AGAP1: variants seen among roughly 807,000 people sequenced by gnomAD.
AGAP1 encodes arf-GAP with GTPase, ANK repeat and PH domain-containing protein 1.
A neutral mutation model predicts 105.3 loss-of-function variants in AGAP1; 29 were observed. The observed-to-expected ratio is 0.28, with a 90% CI of 0.21 to 0.38. The LOEUF (loss-of-function observed/expected upper bound fraction) is 0.38, where lower values mean the gene tolerates loss of function less well. Among genes scored for constraint, AGAP1 ranks in the 10% least tolerant of loss-of-function variants. AGAP1 has a pLI of 1.00. For synonymous variants in AGAP1, 509 were observed against 485.9 expected, an observed-to-expected ratio of 1.05 and a Z score of -0.63; for missense variants, 998 against 1,165.1, an observed-to-expected ratio of 0.86 and a Z score of 2.09.
Position 235,586,726 on chromosome 2 carries a change from C to A in AGAP1, c.163+91877C>A, listed in dbSNP as rs559610472. Among the ~76,000 whole-genome samples, 1 of 152,298 alleles carries A rather than the reference C, an allele frequency of 6.6e-6. No homozygotes were observed. Among genetic ancestry groups the A allele is most frequent in the Admixed American group, 6.5e-5 (1 of 15,296 alleles). On this transcript the variant is annotated intron_variant, in intron 1 of 17. Coordinates refer to ENST00000304032, the MANE Select transcript of AGAP1 (RefSeq NM_001037131.3). This position sits in a 1 kb window ranked among gnomAD's most constrained non-coding sequence, Gnocchi z 4.2. ...GCTTCTATGTGTGAACAACACAGAC[C>A]ACTAAGAGATGTGACAAAGCTGTTC...
In AGAP1 at chr2:235,936,709, C is replaced by T. The variant is rs1331138125; in HGVS notation, c.1483+5786C>T. On this transcript the variant is annotated intron_variant, in intron 12 of 17. Coordinates refer to ENST00000304032, the MANE Select transcript of AGAP1 (RefSeq NM_001037131.3). The surrounding 1 kb of genome is among the most constrained non-coding windows in gnomAD (Gnocchi z 4.7). ...ATACTGCCGGTCTCTGACCTGGAAG[C>T]TTCTTTGATGGGAGGGTATCAGTGA... Among the ~76,000 whole-genome samples the T allele has an allele frequency of 1.3e-5, 2 of 152,140 alleles. No homozygotes were observed. The highest frequency in any genetic ancestry group is 2.9e-5 in the Non-Finnish European group (2 of 68,032).
intron 1 of AGAP1, among the ~76,000 whole-genome samples, chr2:235,645,679 C>G (rs1406507295): frequency 6.6e-6 from 1 of 152,146 alleles, no homozygotes; most frequent in Non-Finnish European, 1.5e-5. Flanking sequence ...CAGATGACCA[C>G]CCCTTCCTGC....
Position 235,964,122 on chromosome 2 carries a change from G to C in AGAP1, c.1484-4340G>C, listed in dbSNP as rs1000144415. Among the ~76,000 whole-genome samples, 8 of 152,276 alleles carry C rather than the reference G, an allele frequency of 5.3e-5. No homozygotes were observed. The East Asian group carries it at 1.4e-3, about 26-fold the overall frequency. On this transcript the variant is annotated intron_variant, in intron 12 of 17. Coordinates refer to ENST00000304032, the MANE Select transcript of AGAP1 (RefSeq NM_001037131.3). This position sits in a 1 kb window ranked among gnomAD's most constrained non-coding sequence, Gnocchi z 4.6. ...CAGCCTCGTGCAGAAGGTCCTAACT[G>C]TGGGCTCCGTGGGAGTGTAGAGATG... is the stretch of plus-strand genomic sequence containing the variant.
Position 235,690,344 on chromosome 2 carries a change from G to A in AGAP1, c.164-18835G>A, listed in dbSNP as rs368594114. Among the ~76,000 whole-genome samples the A allele has an allele frequency of 0.082, 9 of 110 alleles. No individual in the cohort carries two copies. The highest frequency in any genetic ancestry group is 0.18 in the African/African-American group (5 of 28). 0.1% of individuals were successfully genotyped at this position (110 alleles called of 152,430 possible). On this transcript the variant is annotated intron_variant, in intron 1 of 17. Coordinates refer to ENST00000304032, the MANE Select transcript of AGAP1 (RefSeq NM_001037131.3). This position sits in a 1 kb window ranked among gnomAD's most constrained non-coding sequence, Gnocchi z 4.1. ...GTGGACTCCTGGGGCTGGGGAGGCCGTGCCCTGGGGGCAGGTGCAGGAGGG... is the reference window on the plus strand; with the variant it reads ...GTGGACTCCTGGGGCTGGGGAGGCCATGCCCTGGGGGCAGGTGCAGGAGGG...
chr2:235,719,785 G>T lies in AGAP1; in HGVS notation c.310+2141G>T, dbSNP rs1951291379. On this transcript the variant is annotated intron_variant, in intron 3 of 17. Transcript: ENST00000304032. The surrounding 1 kb of genome is among the most constrained non-coding windows in gnomAD (Gnocchi z 4.9). ...GTGGCCTCTCACCTTTTGACTCGAG[G>T]TCCCAGGGATTGTTCTGTGGGAGTG... Among the ~76,000 whole-genome samples, 1 of 152,162 alleles carries T rather than the reference G, an allele frequency of 6.6e-6. No individual in the cohort carries two copies. The highest frequency in any genetic ancestry group is 2.4e-5 in the African/African-American group (1 of 41,444).
At chr2:236,017,518 G>T (rs1044102107) in intron 13 of AGAP1, among the ~76,000 whole-genome samples, 1 of 152,038 alleles carries the variant, frequency 6.6e-6, no homozygotes, top group South Asian at 2.1e-4. Context: ...TTTTAAAGTG[G>T]TCCACTTGAG....
At chr2:236,049,386 T>C in intron 16 of AGAP1, 105 bp downstream of exon 16, 1 of 1,056,770 alleles carries the variant, frequency 9.5e-7, no homozygotes, top group Non-Finnish European at 1.4e-6. Context: ...TGATAACCTG[T>C]AGGAATTCGG....
chr2:235,791,679 C>T (rs976263232), intron 6 of AGAP1, among the ~76,000 whole-genome samples: 16 of 152,096 alleles, frequency 1.1e-4, no homozygotes, highest in Admixed American at 1.3e-4. Flanking sequence ...TCCCAAGTAG[C>T]TGGGATTACA....
chr2:235,972,928 A>G (rs2054713361), intron 13 of AGAP1, among the ~76,000 whole-genome samples: 1 of 151,764 alleles, frequency 6.6e-6, no homozygotes, highest in Admixed American at 6.6e-5. Flanking sequence ...CGGCTTCCTG[A>G]ACAGACCTCA....
At chr2:235,515,177 G>A (rs931818867) in intron 1 of AGAP1, among the ~76,000 whole-genome samples, 1 of 152,184 alleles carries the variant, frequency 6.6e-6, no homozygotes, top group Non-Finnish European at 1.5e-5. Context: ...TTGGAAACAT[G>A]AGAATCCCAT....
chr2:235,774,229 C>A (rs1955683235), intron 6 of AGAP1: 1 of 406,776 alleles, frequency 2.5e-6, no homozygotes, highest in South Asian at 1.9e-5. Context: ...ACTAAAAATG[C>A]ACATCTGGAA....
At position 235,872,028 on chromosome 2, in the gene AGAP1, T is replaced by G. The variant is rs1045187260; in HGVS notation, c.1051-11317T>G. Among the ~76,000 whole-genome samples the G allele has an allele frequency of 3.9e-5, 6 of 152,182 alleles. No homozygotes were observed. Among genetic ancestry groups the G allele is most frequent in the African/African-American group, 1.2e-4 (5 of 41,442 alleles). ...AGTGTCCTTATCCATGAAATGAGAA[T>G]CGTCGTGGATATCAGTTGTGATTGC... is the stretch of plus-strand genomic sequence containing the variant. On this transcript the variant is annotated intron_variant, in intron 9 of 17. Transcript: ENST00000304032. The surrounding 1 kb of genome is among the most constrained non-coding windows in gnomAD (Gnocchi z 4.5).
At chr2:235,835,623 G>T (rs1272914401) in intron 9 of AGAP1, among the ~76,000 whole-genome samples, 2 of 152,224 alleles carry the variant, frequency 1.3e-5, no homozygotes, top group Non-Finnish European at 1.5e-5. Flanking sequence ...AGGACAAGGG[G>T]TTCATATCTG....
chr2:235,565,208 C>T (rs1944310492), intron 1 of AGAP1, among the ~76,000 whole-genome samples: 4 of 151,554 alleles, frequency 2.6e-5, no homozygotes. Context: ...CCTCCCAGGG[C>T]CAGGTGTGAG....
chr2:235,945,657 AC>A (rs2053461520), intron 12 of AGAP1, among the ~76,000 whole-genome samples: 1 of 152,166 alleles, frequency 6.6e-6, no homozygotes, highest in Non-Finnish European at 1.5e-5. Context: ...ACTCAGTCCT[AC>A]ACAAAGCTCT....
At chr2:236,074,393 T>C (rs1307786137) in intron 16 of AGAP1, among the ~76,000 whole-genome samples, 2 of 152,194 alleles carry the variant, frequency 1.3e-5, no homozygotes, top group African/African-American at 4.8e-5. Flanking sequence ...ATAAAGATAC[T>C]GGGTGTTCTG....
In AGAP1 at chr2:235,953,523, A is replaced by G. The variant is rs2053827322; in HGVS notation, c.1484-14939A>G. ...GCATTTTTTTCCCTCCAGCATTTCA[A>G]AGACATTACTCAAATTTTGTTTGTT... On this transcript the variant is annotated intron_variant, in intron 12 of 17. Transcript: ENST00000304032. The surrounding 1 kb of genome is among the most constrained non-coding windows in gnomAD (Gnocchi z 5.2). 6.6e-6 allele frequency among the ~76,000 whole-genome samples: 1 copy of G among 152,218 alleles called. No homozygotes were observed. The highest frequency in any genetic ancestry group is 2.4e-5 in the African/African-American group (1 of 41,456).
At chr2:235,505,222 T>C (rs1941744113) in intron 1 of AGAP1, among the ~76,000 whole-genome samples, 1 of 152,244 alleles carries the variant, frequency 6.6e-6, no homozygotes, top group Non-Finnish European at 1.5e-5. Flanking sequence ...GCAATTATGC[T>C]GAAGACACAA....
chr2:236,012,805 ATC>A lies in AGAP1; in HGVS notation c.1646-23751_1646-23750del, dbSNP rs1228587609. On this transcript the variant is annotated intron_variant, in intron 13 of 17. Coordinates refer to ENST00000304032, the MANE Select transcript of AGAP1 (RefSeq NM_001037131.3). The surrounding 1 kb of genome is among the most constrained non-coding windows in gnomAD (Gnocchi z 4.9). ...ATTATTATTATTCTCTTGAGATGGA[ATC>A]TCTCACTGTCGCCCAGGCTGGAGTG... Among the ~76,000 whole-genome samples, 2 of 151,424 alleles carry A rather than the reference ATC, an allele frequency of 1.3e-5. No homozygotes were observed. Among genetic ancestry groups the A allele is most frequent in the African/African-American group, 4.9e-5 (2 of 40,972 alleles).
Sources: gnomAD v4.1 joint callset for allele counts (sites outside exome capture counted in the v4.1 genomes callset) on GRCh38, gnomAD v4.1.1 for gene constraint, Gnocchi (gnomAD v3.1) non-coding constraint, MANE v1.5 for transcripts, NCBI Gene and HGNC (gene_info 2026-07-23, HGNC 2026-07-21) for gene names.